Variants in GPC5 observed in about 807,000 individuals in gnomAD.
The protein encoded by GPC5 is glypican-5.
A neutral mutation model predicts 53.9 loss-of-function variants in GPC5; 47 were observed. That is an observed-to-expected ratio of 0.87 (90% confidence interval 0.69 to 1.11). The LOEUF (loss-of-function observed/expected upper bound fraction) is 1.11. GPC5 is among the 50% of genes most tolerant of loss of function. The pLI is 0.00. For synonymous variants in GPC5, 286 were observed against 263.3 expected (o/e 1.09, Z -0.84); for missense variants, 748 against 713.1 (o/e 1.05, Z -0.56).
chr13:92,281,700 G>C (rs1330011627), intron 7 of GPC5, among the ~76,000 whole-genome samples: 3 of 152,168 alleles, frequency 2.0e-5, no homozygotes, highest in Non-Finnish European at 4.4e-5. Context: ...ACTGTTAGAA[G>C]GAAAACTAAC....
chr13:92,604,223 T>G (rs894868059), intron 7 of GPC5, among the ~76,000 whole-genome samples: 3 of 152,172 alleles, frequency 2.0e-5, no homozygotes, highest in African/African-American at 7.2e-5. Context: ...TTGAGAACAT[T>G]TCTTTTGGAT....
intron 7 of GPC5, among the ~76,000 whole-genome samples, chr13:92,846,794 T>C (rs1027811456): frequency 6.6e-6 from 1 of 152,228 alleles, no homozygotes; most frequent in Non-Finnish European, 1.5e-5. Context: ...GCTTCATGCA[T>C]CCAAGGAGAT....
At chr13:92,660,622 T>C (rs1886308228) in intron 7 of GPC5, among the ~76,000 whole-genome samples, 1 of 152,070 alleles carries the variant, frequency 6.6e-6, no homozygotes, top group African/African-American at 2.4e-5. Flanking sequence ...CTTCCCTCTC[T>C]TCCACGTAAT....
intron 6 of GPC5, among the ~76,000 whole-genome samples, chr13:92,036,183 C>T (rs1566405810): frequency 6.6e-6 from 1 of 152,158 alleles, no homozygotes; most frequent in Non-Finnish European, 1.5e-5. Context: ...TTTCTCATCG[C>T]TGATTGCTTA....
intron 2 of GPC5, among the ~76,000 whole-genome samples, chr13:91,516,114 A>G (rs533604693): frequency 1.3e-5 from 2 of 152,260 alleles, no homozygotes; most frequent in South Asian, 4.1e-4. Flanking sequence ...GGATGGGGAC[A>G]CAGCCAAACT....
intron 6 of GPC5, among the ~76,000 whole-genome samples, chr13:91,932,961 C>A (rs559799676): frequency 9.2e-5 from 14 of 152,024 alleles, no homozygotes; most frequent in African/African-American, 3.1e-4. Flanking sequence ...CTAGGTTAAA[C>A]AAATTTAAAT....
intron 7 of GPC5, among the ~76,000 whole-genome samples, chr13:92,386,544 A>G (rs867815949): frequency 5.9e-5 from 9 of 152,194 alleles, no homozygotes; most frequent in Middle Eastern, 3.4e-3. Flanking sequence ...TATTTTTAAT[A>G]TACCAATTGT....
intron 2 of GPC5, among the ~76,000 whole-genome samples, chr13:91,466,469 G>A (rs1485928322): frequency 1.3e-5 from 2 of 152,100 alleles, no homozygotes; most frequent in Non-Finnish European, 2.9e-5. Flanking sequence ...CTCAAGAATT[G>A]AAAGAGTATA....
At chr13:92,224,314 C>T (rs779667544) in intron 7 of GPC5, among the ~76,000 whole-genome samples, 2 of 151,984 alleles carry the variant, frequency 1.3e-5, no homozygotes, top group South Asian at 2.1e-4. Flanking sequence ...TCTATTGTGG[C>T]GGAACAGGAA....
chr13:92,658,151 T>C (rs1886202990), intron 7 of GPC5, among the ~76,000 whole-genome samples: 1 of 152,130 alleles, frequency 6.6e-6, no homozygotes, highest in African/African-American at 2.4e-5. Context: ...ACTGGAGAAT[T>C]CTTGGGGTGA....
chr13:91,840,861 G>T (rs1000413163), intron 5 of GPC5, among the ~76,000 whole-genome samples: 11 of 151,532 alleles, frequency 7.3e-5, no homozygotes, highest in Admixed American at 7.2e-4. Flanking sequence ...ATATTGATTA[G>T]AAAAATGCTA....
intron 7 of GPC5, among the ~76,000 whole-genome samples, chr13:92,624,330 A>G (rs1215225041): frequency 6.6e-6 from 1 of 152,148 alleles, no homozygotes; most frequent in East Asian, 1.9e-4. Context: ...TCGGCCTCCC[A>G]AAATGCTGGT....
intron 7 of GPC5, among the ~76,000 whole-genome samples, chr13:92,744,082 G>A (rs568457305): frequency 3.9e-4 from 59 of 152,214 alleles, no homozygotes; most frequent in African/African-American, 1.4e-3. Context: ...CAAAAACCCA[G>A]GAAAGAGATT....
chr13:92,627,720 G>C (rs1048216745), intron 7 of GPC5, among the ~76,000 whole-genome samples: 2 of 152,170 alleles, frequency 1.3e-5, no homozygotes, highest in Non-Finnish European at 2.9e-5. Flanking sequence ...CCAAGGAGCA[G>C]TTGCTAAGTA....
chr13:92,439,006 T>C (rs1877438208), intron 7 of GPC5, among the ~76,000 whole-genome samples: 1 of 152,132 alleles, frequency 6.6e-6, no homozygotes, highest in Non-Finnish European at 1.5e-5. Flanking sequence ...GGTCTGGAGC[T>C]CAGATAAAAG....
intron 7 of GPC5, among the ~76,000 whole-genome samples, chr13:92,296,605 C>A (rs1233803325): frequency 6.6e-6 from 1 of 152,138 alleles, no homozygotes; most frequent in Non-Finnish European, 1.5e-5. Context: ...ACTGTGGGAG[C>A]CCCTTTCTGG....
intron 7 of GPC5, among the ~76,000 whole-genome samples, chr13:92,677,019 C>A (rs2139216431): frequency 6.6e-6 from 1 of 152,158 alleles, no homozygotes; most frequent in East Asian, 1.9e-4. Flanking sequence ...ACATTGTCTT[C>A]TTTGTATAAA....
chr13:92,591,550 G>A (rs1244204246), intron 7 of GPC5, among the ~76,000 whole-genome samples: 1 of 152,050 alleles, frequency 6.6e-6, no homozygotes, highest in East Asian at 1.9e-4. Context: ...GTAAAATCTA[G>A]CTAGTTAATA....
chr13:92,249,666 G>T (rs1404302686), intron 7 of GPC5, among the ~76,000 whole-genome samples: 1 of 152,002 alleles, frequency 6.6e-6, no homozygotes, highest in Non-Finnish European at 1.5e-5. Context: ...CATGCTCAAT[G>T]GTTTAGTATA....
Sources: gnomAD v4.1 joint callset for allele counts (sites outside exome capture counted in the v4.1 genomes callset) on GRCh38, gnomAD v4.1.1 for gene constraint, MANE v1.5 for transcripts, NCBI Gene and HGNC (gene_info 2026-07-23, HGNC 2026-07-21) for gene names.